Variants in CAB39 observed in about 807,000 individuals in gnomAD.
The protein encoded by CAB39 is calcium-binding protein 39.
In CAB39, 8 loss-of-function variants were observed where a neutral mutation model predicts 40.0. That is an observed-to-expected ratio of 0.20 (90% CI 0.12 to 0.36). The LOEUF (loss-of-function observed/expected upper bound fraction) is 0.36, where lower values mean the gene tolerates loss of function less well. Among genes scored for constraint, CAB39 ranks in the 10% least tolerant of loss-of-function variants. The probability of loss-of-function intolerance (pLI) is 1.00; values close to 1 mark genes in which losing one functional copy is unlikely to be tolerated. For missense variants in CAB39, 270 were observed against 401.1 expected (o/e 0.67, Z 2.79); for synonymous variants, 156 against 141.6 (o/e 1.10, Z -0.72).
chr2:230,756,843 C>T (rs1266206303), intron 1 of CAB39, among the ~76,000 whole-genome samples: 2 of 152,076 alleles, frequency 1.3e-5, no homozygotes, highest in African/African-American at 4.8e-5. Context: ...CAGGCACACG[C>T]CACCACGCCC....
rs1696451786 is a variant in CAB39 at position 230,818,822 on chromosome 2, T to C, written c.*118T>C. 2 of 815,448 alleles carry C rather than the reference T, an allele frequency of 2.5e-6. No homozygotes were observed. Among genetic ancestry groups the C allele is most frequent in the Non-Finnish European group, 3.8e-6 (2 of 520,908 alleles). The allele number at this position is 815,448 out of a possible 1,614,324, so 50.5% of individuals were successfully genotyped here. A position where few individuals can be genotyped will look rare whatever the true frequency, so the allele number is the denominator to read the frequency against. On this transcript the variant is annotated 3_prime_UTR_variant, in exon 9 of 9. Coordinates refer to ENST00000258418, the MANE Select transcript of CAB39 (RefSeq NM_016289.4). ...TGCTAATCTGCTGTTAAGTGAACGG[T>C]TTTTCATTTTACCCTTTTGTTTTTC...
chr2:230,818,828 A>C lies in CAB39; in HGVS notation c.*124A>C. 2.6e-6 allele frequency: 2 copies of C among 780,200 alleles called. No homozygotes were observed. Among genetic ancestry groups the C allele is most frequent in the Non-Finnish European group, 4.1e-6 (2 of 492,020 alleles). 48.3% of individuals were successfully genotyped at this position (780,200 alleles called of 1,614,324 possible). A position where few individuals can be genotyped will look rare whatever the true frequency, so the allele number is the denominator to read the frequency against. On this transcript the variant is annotated 3_prime_UTR_variant, in exon 9 of 9. Transcript: ENST00000258418. ...TCTGCTGTTAAGTGAACGGTTTTTC[A>C]TTTTACCCTTTTGTTTTTCAGTCCA...
At chr2:230,743,378 A>G (rs1694917759) in intron 1 of CAB39, among the ~76,000 whole-genome samples, 1 of 152,232 alleles carries the variant, frequency 6.6e-6, no homozygotes, top group Non-Finnish European at 1.5e-5. Flanking sequence ...CAATCTGTGC[A>G]TTGGAAAAAT....
At chr2:230,756,661 G>GTTTA (rs577181012) in intron 1 of CAB39, among the ~76,000 whole-genome samples, 6,790 of 95,226 alleles carry the variant, frequency 0.071, 203 homozygotes, top group Non-Finnish European at 0.081. Flanking sequence ...CTAACTGTTT[G>GTTTA]TTTATTTATT....
chr2:230,797,709 G>A (rs533846969), intron 4 of CAB39, among the ~76,000 whole-genome samples: 2 of 152,296 alleles, frequency 1.3e-5, no homozygotes, highest in East Asian at 1.9e-4. Flanking sequence ...TCATTAGCAG[G>A]CTGTAGGCAA....
chr2:230,776,396 A>G (rs541416693), intron 2 of CAB39, among the ~76,000 whole-genome samples: 1 of 152,312 alleles, frequency 6.6e-6, no homozygotes, highest in East Asian at 1.9e-4. Context: ...GAGCATTGAC[A>G]TTGGTATAAT....
At chr2:230,724,292 T>C (rs1215445591) in intron 1 of CAB39, among the ~76,000 whole-genome samples, 1 of 151,730 alleles carries the variant, frequency 6.6e-6, no homozygotes, top group Non-Finnish European at 1.5e-5. Context: ...GATTCTGTAC[T>C]TGTGTGAACA....
intron 1 of CAB39, among the ~76,000 whole-genome samples, chr2:230,759,423 C>G (rs2124918261): frequency 6.6e-6 from 1 of 152,306 alleles, no homozygotes; most frequent in African/African-American, 2.4e-5. Flanking sequence ...TCAGTTGCCT[C>G]AGCTGTAAAA....
At chr2:230,780,664 C>A (rs985582177) in intron 2 of CAB39, among the ~76,000 whole-genome samples, 2 of 152,178 alleles carry the variant, frequency 1.3e-5, no homozygotes, top group East Asian at 1.9e-4. Flanking sequence ...AAGTGAAGTA[C>A]CCTTTTCATT....
intron 1 of CAB39, among the ~76,000 whole-genome samples, chr2:230,726,318 A>G (rs762253478): frequency 2.0e-5 from 3 of 150,988 alleles, no homozygotes; most frequent in Admixed American, 1.3e-4. Flanking sequence ...GCATGCTACC[A>G]TGCCCGGCTA....
At chr2:230,729,737 C>G (rs1694653347) in intron 1 of CAB39, among the ~76,000 whole-genome samples, 1 of 144,056 alleles carries the variant, frequency 6.9e-6, no homozygotes, top group African/African-American at 2.6e-5. Context: ...ATGAAACTGT[C>G]TTAAGGAAAA....
At chr2:230,752,241 T>A (rs1178569273) in intron 1 of CAB39, 2 of 137,118 alleles carry the variant, frequency 1.5e-5, no homozygotes, top group African/African-American at 3.5e-5. Context: ...AAATGTTACA[T>A]ATTTACAAAA....
At chr2:230,802,404 A>C (rs183606025) in intron 5 of CAB39, among the ~76,000 whole-genome samples, 1 of 152,196 alleles carries the variant, frequency 6.6e-6, no homozygotes, top group Admixed American at 6.5e-5. Context: ...AGAAATAACT[A>C]AGATCAGAGC....
chr2:230,751,798 C>T (rs1695089778), intron 1 of CAB39, among the ~76,000 whole-genome samples: 1 of 151,994 alleles, frequency 6.6e-6, no homozygotes, highest in Non-Finnish European at 1.5e-5. Flanking sequence ...AGTACCAAAA[C>T]CCCCCACAAA....
At chr2:230,808,152 T>C (rs1696236737) in intron 5 of CAB39, among the ~76,000 whole-genome samples, 1 of 151,952 alleles carries the variant, frequency 6.6e-6, no homozygotes, top group South Asian at 2.1e-4. Flanking sequence ...AGTGGTGCGA[T>C]TTCAGCTCAG....
intron 1 of CAB39, among the ~76,000 whole-genome samples, chr2:230,726,272 C>G (rs1453168893): frequency 6.6e-6 from 1 of 151,934 alleles, no homozygotes. Flanking sequence ...AAGCAATTCT[C>G]GTGCCTTAGC....
intron 2 of CAB39, among the ~76,000 whole-genome samples, chr2:230,767,959 G>A (rs540534560): frequency 4.6e-5 from 7 of 152,064 alleles, no homozygotes; most frequent in Non-Finnish European, 8.8e-5. Flanking sequence ...CAACCCTACC[G>A]TGTGGCATTC....
rs189949554 is a variant in CAB39, at chr2:230,793,687, C to A, written c.398+356C>A. Among the ~76,000 whole-genome samples the A allele has an allele frequency of 1.5e-4, 23 of 152,264 alleles. No homozygotes were observed. In the East Asian group the frequency reaches 3.5e-3, roughly 23 times the overall value. ...TAAGTTATATATTGAAAGACATCTC[C>A]TTTGGACATAATACGCACGCTGTAA... On this transcript the variant is annotated intron_variant, in intron 4 of 8. Coordinates refer to ENST00000258418, the MANE Select transcript of CAB39 (RefSeq NM_016289.4).
At chr2:230,724,703 CAAAA>C (rs60886023) in intron 1 of CAB39, among the ~76,000 whole-genome samples, 2 of 54,764 alleles carry the variant, frequency 3.7e-5, no homozygotes, top group South Asian at 1.6e-3. Context: ...ACACGCTCAC[CAAAA>C]AAAAAAAAAA....
Sources: gnomAD v4.1 joint callset for allele counts (sites outside exome capture counted in the v4.1 genomes callset) on GRCh38, gnomAD v4.1.1 for gene constraint, MANE v1.5 for transcripts, NCBI Gene and HGNC (gene_info 2026-07-23, HGNC 2026-07-21) for gene names.